NRXN3: variants seen among roughly 807,000 people sequenced by gnomAD.
The protein encoded by NRXN3 is neurexin 3, also known as neurexin III.
In NRXN3, 32 loss-of-function variants were observed where a neutral mutation model predicts 137.6. That is an observed-to-expected ratio of 0.23 (90% confidence interval 0.18 to 0.31). The LOEUF (loss-of-function observed/expected upper bound fraction) is 0.31. NRXN3 is among the 10% of genes least tolerant of loss of function. The pLI is 1.00. For missense variants in NRXN3, 1,574 were observed against 2,062.5 expected (o/e 0.76, Z 4.59); for synonymous variants, 798 against 784.5 (o/e 1.02, Z -0.29).
chr14:78,820,088 G>GCGGT (rs779370172), intron 10 of NRXN3, among the ~76,000 whole-genome samples: 13 of 151,962 alleles, frequency 8.6e-5, no homozygotes, highest in Non-Finnish European at 1.8e-4. Flanking sequence ...TGACCTCTAT[G>GCGGT]CGGTGTAGGA....
chr14:79,467,055 A>T (rs2096436745), intron 15 of NRXN3, among the ~76,000 whole-genome samples, 166 bp from the exon 16 acceptor site: 2 of 152,214 alleles, frequency 1.3e-5, no homozygotes, highest in Admixed American at 1.3e-4. Context: ...TTGGGGTGAT[A>T]GCTGCCTTCA....
chr14:78,716,755 A>C (rs1378142021), intron 8 of NRXN3, among the ~76,000 whole-genome samples: 3 of 152,232 alleles, frequency 2.0e-5, no homozygotes, highest in Non-Finnish European at 4.4e-5. Flanking sequence ...AGAGAACTAC[A>C]AACCCTTTTT....
chr14:78,481,680 C>A (rs2095475829), intron 4 of NRXN3, among the ~76,000 whole-genome samples: 1 of 152,136 alleles, frequency 6.6e-6, no homozygotes, highest in Non-Finnish European at 1.5e-5. Flanking sequence ...AAAGAGCTAG[C>A]AATCTTCAAG....
At chr14:78,757,929 A>G (rs988868987) in intron 8 of NRXN3, among the ~76,000 whole-genome samples, 2 of 152,192 alleles carry the variant, frequency 1.3e-5, no homozygotes, top group Non-Finnish European at 2.9e-5. Flanking sequence ...TTTATTTTTA[A>G]ATAAAAGCAC....
intron 2 of NRXN3, among the ~76,000 whole-genome samples, chr14:78,273,292 C>T (rs114888761): frequency 6.8e-4 from 104 of 152,290 alleles, no homozygotes; most frequent in African/African-American, 2.4e-3. Context: ...GCCTCAGTTT[C>T]CTTATCTGTA....
chr14:78,876,441 AT>A (rs899147250), intron 10 of NRXN3, among the ~76,000 whole-genome samples: 6 of 152,226 alleles, frequency 3.9e-5, no homozygotes, highest in African/African-American at 9.6e-5. Flanking sequence ...TATTGCTTGC[AT>A]TGGTCACTGA....
At chr14:78,688,061 A>G (rs978434813) in intron 6 of NRXN3, among the ~76,000 whole-genome samples, 1 of 152,188 alleles carries the variant, frequency 6.6e-6, no homozygotes, top group African/African-American at 2.4e-5. Flanking sequence ...TTGAGTGGAG[A>G]TGTCAAGAAG....
intron 15 of NRXN3, among the ~76,000 whole-genome samples, chr14:79,262,712 C>G (rs2077818811): frequency 6.6e-6 from 1 of 152,210 alleles, no homozygotes; most frequent in Non-Finnish European, 1.5e-5. Flanking sequence ...GAGGCAGTCA[C>G]TCCTGTAAGT....
At chr14:78,679,361 C>T (rs913602639) in intron 6 of NRXN3, among the ~76,000 whole-genome samples, 3 of 151,982 alleles carry the variant, frequency 2.0e-5, no homozygotes, top group African/African-American at 7.3e-5. Context: ...TAGTGTGGAC[C>T]CTTTTTTGTG....
chr14:78,703,736 T>C (rs1473090466), intron 6 of NRXN3: 2 of 152,196 alleles, frequency 1.3e-5, no homozygotes, highest in Admixed American at 6.5e-5. Flanking sequence ...GTCCTTACTT[T>C]CCAACATTCT....
At chr14:79,341,988 A>C (rs935015716) in intron 15 of NRXN3, among the ~76,000 whole-genome samples, 1 of 152,192 alleles carries the variant, frequency 6.6e-6, no homozygotes, top group African/African-American at 2.4e-5. Flanking sequence ...CATTGTTTGG[A>C]ACCCTGGTTT....
chr14:79,036,851 G>A lies in NRXN3; in HGVS notation c.3262+48710G>A, dbSNP rs374010091. Among the ~76,000 whole-genome samples the A allele has an allele frequency of 8.6e-5, 13 of 151,848 alleles. 1 individual carries two copies. Among genetic ancestry groups the A allele is most frequent in the East Asian group, 3.9e-4 (2 of 5,114 alleles). Reference sequence around the variant, plus strand: ...TACCAAAATGAATGGAAGGGAAGGCGGGACCAGGTGGAGTTCCTTGGGTTA... The same window carrying A: ...TACCAAAATGAATGGAAGGGAAGGCAGGACCAGGTGGAGTTCCTTGGGTTA... On this transcript the variant is annotated intron_variant, in intron 15 of 20. Transcript: ENST00000335750.
chr14:79,491,193 C>A (rs1336112801), intron 16 of NRXN3, among the ~76,000 whole-genome samples: 1 of 152,086 alleles, frequency 6.6e-6, no homozygotes, highest in African/African-American at 2.4e-5. Flanking sequence ...AAGTGACTTG[C>A]CACCATGCTT....
chr14:78,702,296 CATAA>C (rs35998815), intron 6 of NRXN3, among the ~76,000 whole-genome samples: 75,821 of 149,684 alleles, frequency 0.51, 22,880 homozygotes, highest in Non-Finnish European at 0.65. Flanking sequence ...ATATGAAGTT[CATAA>C]ATAAATAATA....
chr14:78,237,659 G>A (rs552068213), intron 1 of NRXN3, among the ~76,000 whole-genome samples: 1 of 152,314 alleles, frequency 6.6e-6, no homozygotes, highest in East Asian at 1.9e-4. Flanking sequence ...ACTAATCACT[G>A]TGGCCAAGAG....
intron 15 of NRXN3, among the ~76,000 whole-genome samples, chr14:79,253,308 C>T (rs1414487604): frequency 3.9e-5 from 6 of 152,092 alleles, no homozygotes; most frequent in African/African-American, 9.7e-5. Flanking sequence ...GAACCCTGTG[C>T]GGCCATAGTT....
At chr14:79,608,038 A>G (rs1223050546) in intron 16 of NRXN3, among the ~76,000 whole-genome samples, 1 of 152,146 alleles carries the variant, frequency 6.6e-6, no homozygotes, top group African/African-American at 2.4e-5. Context: ...CCCTCATGGA[A>G]CCACTCCATT....
intron 4 of NRXN3, among the ~76,000 whole-genome samples, chr14:78,501,814 A>G (rs1466601561): frequency 3.9e-5 from 6 of 152,130 alleles, no homozygotes; most frequent in Non-Finnish European, 8.8e-5. Flanking sequence ...GGAAGCATGG[A>G]ATAAGGAATT....
At chr14:78,411,030 A>C (rs540883011) in intron 4 of NRXN3, among the ~76,000 whole-genome samples, 2 of 152,308 alleles carry the variant, frequency 1.3e-5, no homozygotes, top group South Asian at 4.1e-4. Flanking sequence ...GTAAATGAGG[A>C]TAATAGGAAG....
Sources: gnomAD v4.1 joint callset for allele counts (sites outside exome capture counted in the v4.1 genomes callset) on GRCh38, gnomAD v4.1.1 for gene constraint, MANE v1.5 for transcripts, NCBI Gene and HGNC (gene_info 2026-07-23, HGNC 2026-07-21) for gene names.